Variants in NDST3 observed in about 807,000 individuals in gnomAD.
The protein encoded by NDST3 is N-deacetylase and N-sulfotransferase 3.
A neutral mutation model predicts 96.1 loss-of-function variants in NDST3; 58 were observed. The observed-to-expected ratio is 0.60, with a 90% CI of 0.49 to 0.75. The LOEUF is 0.75. Among genes scored for constraint, NDST3 ranks in the 30% least tolerant of loss-of-function variants. The probability of loss-of-function intolerance (pLI) is 0.00; values close to 1 mark genes in which losing one functional copy is unlikely to be tolerated. For missense variants in NDST3, 788 were observed against 1,034.2 expected, an observed-to-expected ratio of 0.76 and a Z score of 3.27; for synonymous variants, 333 against 359.7, an observed-to-expected ratio of 0.93 and a Z score of 0.84.
chr4:118,102,484 T>C (rs781119562), intron 2 of NDST3, among the ~76,000 whole-genome samples: 71 of 152,244 alleles, frequency 4.7e-4, no homozygotes, highest in Non-Finnish European at 9.0e-4. Context: ...TTAGATATGA[T>C]CACACCATTT....
chr4:118,196,687 A>G (rs539575085), intron 6 of NDST3, among the ~76,000 whole-genome samples: 13 of 152,164 alleles, frequency 8.5e-5, no homozygotes, highest in African/African-American at 2.6e-4. Context: ...ATTATCAGTT[A>G]TAATATCTCC....
chr4:118,069,663 G>C (rs922233653), intron 2 of NDST3, among the ~76,000 whole-genome samples: 31 of 151,876 alleles, frequency 2.0e-4, no homozygotes, highest in African/African-American at 6.5e-4. Context: ...AAATCTAATA[G>C]GTAAAATTTT....
chr4:118,248,350 CAAAAAAAAGA>C (rs928425301), intron 12 of NDST3, among the ~76,000 whole-genome samples: 7 of 148,690 alleles, frequency 4.7e-5, no homozygotes, highest in African/African-American at 1.5e-4. Flanking sequence ...AACTCCATCT[CAAAAAAAAGA>C]AAAAAAAAAG....
rs1227162386 is a variant in NDST3, at chr4:118,224,689, T to C, written c.1722+16T>C. 1 of 1,559,694 alleles carries C rather than the reference T, an allele frequency of 6.4e-7. No homozygotes were observed. Among genetic ancestry groups the C allele is most frequent in the Non-Finnish European group, 8.7e-7 (1 of 1,150,774 alleles). On this transcript the variant is annotated intron_variant, in intron 7 of 13. Coordinates refer to ENST00000296499, the MANE Select transcript of NDST3 (RefSeq NM_004784.3). ...TCTCTGGCAGGTAAAATTAATTAAA[T>C]AATTGATATAACCAGTTAATTCCAG...
intron 1 of NDST3, among the ~76,000 whole-genome samples, chr4:118,049,722 G>GTAA (rs1473451077): frequency 6.7e-6 from 1 of 149,360 alleles, no homozygotes; most frequent in African/African-American, 2.4e-5. Flanking sequence ...AACTGAATCA[G>GTAA]TAATAATAAT....
In NDST3 at chr4:118,053,981, T is replaced by G. The variant is rs752804273; in HGVS notation, c.71T>G (p.Val24Gly). Residue 24 changes from valine (V) to glycine (G), a missense_variant, in exon 2 of 14, where the codon GTG becomes GGG. Transcript: ENST00000296499. ...TVILLATFCM[V>G]SIIISAYYLY... ...ATTCTGCTTGCCACTTTTTGTATGG[T>G]GAGCATTATCATTTCTGCTTACTAC... The G allele has an allele frequency of 1.9e-6, 3 of 1,612,444 alleles. No homozygotes were observed. The highest frequency in any genetic ancestry group is 2.5e-6 in the Non-Finnish European group (3 of 1,179,000).
chr4:118,083,865 A>G (rs575445730), intron 2 of NDST3, among the ~76,000 whole-genome samples: 4 of 152,248 alleles, frequency 2.6e-5, no homozygotes, highest in Admixed American at 2.6e-4. Context: ...TGCCTTTACA[A>G]TTTTTAACCA....
intron 1 of NDST3, among the ~76,000 whole-genome samples, chr4:118,052,825 T>A (rs1247907871): frequency 6.6e-6 from 1 of 152,038 alleles, no homozygotes; most frequent in African/African-American, 2.4e-5. Context: ...CACTCATGTT[T>A]CTTTCTTATT....
At chr4:118,124,405 A>G (rs1479440861) in intron 4 of NDST3, among the ~76,000 whole-genome samples, 1 of 152,064 alleles carries the variant, frequency 6.6e-6, no homozygotes, top group Non-Finnish European at 1.5e-5. Flanking sequence ...ATGGCATTTG[A>G]CCAATAACTT....
intron 13 of NDST3, among the ~76,000 whole-genome samples, chr4:118,254,073 T>C (rs1227389397): frequency 6.6e-6 from 1 of 152,036 alleles, no homozygotes; most frequent in Non-Finnish European, 1.5e-5. Flanking sequence ...AAACCCCATC[T>C]CTACTAAAAA....
chr4:118,169,858 G>A (rs1159703899), intron 6 of NDST3, among the ~76,000 whole-genome samples: 1 of 151,964 alleles, frequency 6.6e-6, no homozygotes. Flanking sequence ...TGAGGTTGCA[G>A]TCAGATGGTA....
intron 2 of NDST3, among the ~76,000 whole-genome samples, chr4:118,068,841 T>C (rs1578574270): frequency 6.6e-6 from 1 of 152,094 alleles, no homozygotes; most frequent in African/African-American, 2.4e-5. Context: ...GAGGTCACAA[T>C]AGAATTAATA....
chr4:118,239,501 C>T (rs1740881717), intron 10 of NDST3, among the ~76,000 whole-genome samples: 1 of 152,052 alleles, frequency 6.6e-6, no homozygotes, highest in Non-Finnish European at 1.5e-5. Context: ...TGCAAATTGC[C>T]TGATTTGATT....
chr4:118,052,938 C>G (rs1456112655), intron 1 of NDST3, among the ~76,000 whole-genome samples: 1 of 151,972 alleles, frequency 6.6e-6, no homozygotes, highest in African/African-American at 2.4e-5. Flanking sequence ...GTTTTCATTA[C>G]ATTTTTAAAA....
intron 6 of NDST3, among the ~76,000 whole-genome samples, chr4:118,153,261 T>C (rs1399966941): frequency 1.3e-5 from 2 of 152,182 alleles, no homozygotes; most frequent in African/African-American, 2.4e-5. Context: ...ATTATATGTA[T>C]TGCTCCATAC....
chr4:118,149,170 G>C (rs1421613409), intron 6 of NDST3, among the ~76,000 whole-genome samples: 2 of 152,212 alleles, frequency 1.3e-5, no homozygotes, highest in African/African-American at 2.4e-5. Flanking sequence ...TTGTAGTATA[G>C]TTTGAAGTCA....
chr4:118,090,731 GAT>G (rs1728795534), intron 2 of NDST3, among the ~76,000 whole-genome samples: 1 of 151,712 alleles, frequency 6.6e-6, no homozygotes, highest in Non-Finnish European at 1.5e-5. Flanking sequence ...TTTCTTCTTG[GAT>G]ATATATGTCA....
At position 118,256,230 on chromosome 4, in the gene NDST3, A is replaced by G. The variant is rs1290306686; in HGVS notation, c.*518A>G. ...TGCCAAAATTTAAATCCACTTAAGT[A>G]TTTAGAAATAATTGTAAATTATAAT... On this transcript the variant is annotated 3_prime_UTR_variant, in exon 14 of 14. Coordinates refer to ENST00000296499, the MANE Select transcript of NDST3 (RefSeq NM_004784.3). 1 of 152,246 alleles carries G rather than the reference A, an allele frequency of 6.6e-6. No homozygotes were observed. The highest frequency in any genetic ancestry group is 2.4e-5 in the African/African-American group (1 of 41,462). The allele number at this position is 152,246 out of a possible 1,614,324, so 9.4% of individuals were successfully genotyped here.
chr4:118,043,371 T>C (rs1724579294), intron 1 of NDST3, among the ~76,000 whole-genome samples: 2 of 152,200 alleles, frequency 1.3e-5, no homozygotes, highest in Admixed American at 1.3e-4. Flanking sequence ...GGTGCAATGA[T>C]AGGCAAAAGA....
Sources: allele counts gnomAD v4.1 joint callset (sites outside exome capture counted in the v4.1 genomes callset), GRCh38; gene constraint gnomAD v4.1.1; transcripts MANE v1.5; gene names NCBI Gene and HGNC (gene_info 2026-07-23, HGNC 2026-07-21).